TDRD6: variants seen among roughly 807,000 people sequenced by gnomAD.
TDRD6 encodes tudor domain containing 6.
In TDRD6, 186 loss-of-function variants were observed where a neutral mutation model predicts 157.5. The observed-to-expected ratio is 1.18, with a 90% CI of 1.05 to 1.33. TDRD6 has a LOEUF of 1.33. TDRD6 is among the 40% of genes most tolerant of loss of function. TDRD6 has a pLI of 0.00. For synonymous variants in TDRD6, 1,075 were observed against 945.2 expected (o/e 1.14, Z -2.52); for missense variants, 3,066 against 2,508.0 (o/e 1.22, Z -4.75).
At chr6:46,686,521 A>G (rs568262288), upstream of TDRD6, among the ~76,000 whole-genome samples, 9 of 151,954 alleles carry the variant, frequency 5.9e-5, no homozygotes, top group South Asian at 1.9e-3. Flanking sequence ...CAGGTTGAAT[A>G]GTAGGGTCAC....
At chr6:46,685,269 C>T (rs1764063805), upstream of TDRD6, among the ~76,000 whole-genome samples, 1 of 150,540 alleles carries the variant, frequency 6.6e-6, no homozygotes, top group African/African-American at 2.4e-5. Context: ...GTATTTCTTA[C>T]TTGAACTGTT....
In TDRD6 at chr6:46,689,522, C is replaced by T. The variant is rs200593696; in HGVS notation, c.1394C>T (p.Pro465Leu). ...CCAGAAACATCTCAGTCTCAGTCTC[C>T]TGCTGAAGAAGTAGATGAAGAGATT... ...EEPETSQSQS[P>L]AEEVDEEISL... Residue 465 changes from proline (P) to leucine (L), a missense_variant, in exon 1 of 4, where the codon CCT becomes CTT. Coordinates refer to ENST00000316081, the MANE Select transcript of TDRD6 (RefSeq NM_001010870.3). 14 of 1,614,070 alleles carry T rather than the reference C, an allele frequency of 8.7e-6. No individual in the cohort carries two copies. In the East Asian group the frequency reaches 2.5e-4, roughly 28 times the overall value.
upstream of TDRD6, among the ~76,000 whole-genome samples, chr6:46,686,566 G>A (rs1764100644): frequency 6.6e-6 from 1 of 151,356 alleles, no homozygotes; most frequent in South Asian, 2.1e-4. Flanking sequence ...CTTGCTAGAT[G>A]TTTTTAAATA....
upstream of TDRD6, among the ~76,000 whole-genome samples, chr6:46,686,432 T>G (rs1249564727): frequency 1.3e-5 from 2 of 149,496 alleles, no homozygotes; most frequent in Admixed American, 1.3e-4. Context: ...ATGTTCCTAC[T>G]GTGGCAAACA....
In TDRD6 at chr6:46,688,462, C is replaced by T; in HGVS notation, c.334C>T (p.Leu112=). 1 of 1,544,306 alleles carries T rather than the reference C, an allele frequency of 6.5e-7. No homozygotes were observed. The highest frequency in any genetic ancestry group is 8.7e-7 in the Non-Finnish European group (1 of 1,147,076). Residue 112 remains leucine, a synonymous_variant, in exon 1 of 4, where the codon CTG becomes TTG. Transcript: ENST00000316081. ...CACCATCACGGCCGGAGCAGGCTCG[C>T]TGGCGCCTGGGCGCAGAGAGTTCTT... The part of the protein sequence containing the change: ...GRTITAGAGS[L]APGRREFFNL...
At position 46,690,384 on chromosome 6, in the gene TDRD6, G is replaced by T. The variant is rs147855532; in HGVS notation, c.2256G>T (p.Met752Ile). 1 of 1,613,758 alleles carries T rather than the reference G, an allele frequency of 6.2e-7. No homozygotes were observed. The highest frequency in any genetic ancestry group is 1.7e-5 in the Admixed American group (1 of 59,994). ...GAGCATCTGTTTATTTTCCTCTTATGCAGAATTGCTTGGAAATTAAGCCAG... is the reference window on the plus strand; with the variant it reads ...GAGCATCTGTTTATTTTCCTCTTATTCAGAATTGCTTGGAAATTAAGCCAG... ...VKRASVYFPL[M>I]QNCLEIKPGS... The change falls in exon 1 of 4, where the codon ATG (methionine) becomes ATT (isoleucine). Residue 752 changes from methionine (M) to isoleucine (I), a missense_variant. Met to Ile is a conservative substitution (Grantham distance 10, BLOSUM62 1). Transcript: ENST00000316081.
rs1764333896 is a variant in TDRD6, at chr6:46,691,824, A to C, written c.3696A>C (p.Lys1232Asn). ...TCAAACTTTTACAAAGTTTAACAAAAACAAACTTAGTCACTCAATATCAAG... is the reference window on the plus strand; with the variant it reads ...TCAAACTTTTACAAAGTTTAACAAACACAAACTTAGTCACTCAATATCAAG... Reference protein sequence around the residue: ...KELKLLQSLTKTNLVTQYQDS... With the variant: ...KELKLLQSLTNTNLVTQYQDS... Residue 1232 changes from lysine to asparagine, a missense_variant, in exon 1 of 4, where the codon AAA becomes AAC. By Grantham distance (94) the Lys-to-Asn change is moderately conservative. Coordinates refer to ENST00000316081, the MANE Select transcript of TDRD6 (RefSeq NM_001010870.3). 6.2e-7 allele frequency: 1 copy of C among 1,603,958 alleles called. No homozygotes were observed. Among genetic ancestry groups the C allele is most frequent in the South Asian group, 1.1e-5 (1 of 89,130 alleles).
Position 46,693,519 on chromosome 6 carries a change from A to T in TDRD6, c.5391A>T (p.Leu1797Phe). 6.2e-7 allele frequency: 1 copy of T among 1,613,920 alleles called. No homozygotes were observed. Residue 1797 changes from leucine to phenylalanine, a missense_variant, in exon 1 of 4, where the codon TTA becomes TTT. By Grantham distance (22) the Leu-to-Phe change is conservative. Transcript: ENST00000316081. ...KIDTEELEGE[L>F]ECHLVDKAEF... is the part of the protein sequence containing the mutation. ...ATACTGAGGAACTGGAAGGTGAATT[A>T]GAGTGCCATCTGGTTGACAAAGCAG...
At position 46,690,258 on chromosome 6, in the gene TDRD6, CAA is replaced by C. The variant is rs1316560885; in HGVS notation, c.2131_2132del (p.Lys711GlufsTer4). 8.7e-6 allele frequency: 14 copies of C among 1,613,658 alleles called. No individual in the cohort carries two copies. The highest frequency in any genetic ancestry group is 1.6e-4 in the Middle Eastern group (1 of 6,084). On this transcript the variant is annotated frameshift_variant, in exon 1 of 4. Coordinates refer to ENST00000316081, the MANE Select transcript of TDRD6 (RefSeq NM_001010870.3). LOFTEE classifies it high-confidence loss of function. ...AGACTGGAGAAGGAGAGCAGAAAGC[CAA>C]GAGAGAGAATAAAACCACATCTGTT... is the stretch of plus-strand genomic sequence containing the variant. The part of the protein sequence containing the change: ...AKTGEGEQKA[K>X]RENKTTSVSK...
chr6:46,686,748 C>A (rs186195886), upstream of TDRD6, among the ~76,000 whole-genome samples: 40 of 152,314 alleles, frequency 2.6e-4, no homozygotes, highest in Admixed American at 5.9e-4. Context: ...TCACTCCAAG[C>A]TAGATTCCGA....
Position 46,689,966 on chromosome 6 carries a change from G to A in TDRD6, c.1838G>A (p.Ser613Asn), listed in dbSNP as rs904249532. 21 of 1,613,802 alleles carry A rather than the reference G, an allele frequency of 1.3e-5. No individual in the cohort carries two copies. The highest frequency in any genetic ancestry group is 1.7e-5 in the Non-Finnish European group (20 of 1,179,830). ...ATTTGGCCTTTGGGAAAAACTTGGA[G>A]CCAGGAGGCAGTTTCCTTTTTTAAA... ...ADIWPLGKTW[S>N]QEAVSFFKKT... Residue 613 changes from serine (S) to asparagine (N), a missense_variant, in exon 1 of 4, where the codon AGC becomes AAC. Coordinates refer to ENST00000316081, the MANE Select transcript of TDRD6 (RefSeq NM_001010870.3).
chr6:46,689,172 T>C lies in TDRD6; in HGVS notation c.1044T>C (p.Tyr348=). The C allele has an allele frequency of 1.2e-6, 2 of 1,614,158 alleles. No homozygotes were observed. The highest frequency in any genetic ancestry group is 4.5e-5 in the East Asian group (2 of 44,866). The part of the protein sequence containing the change: ...QRCAQVLHVD[Y]GRKELVSCSS... ...GTGCCCAGGTGCTTCATGTGGACTA[T>C]GGAAGGAAGGAGTTAGTGAGTTGCA... Residue 348 remains tyrosine, a synonymous_variant, in exon 1 of 4, where the codon TAT becomes TAC. Coordinates refer to ENST00000316081, the MANE Select transcript of TDRD6 (RefSeq NM_001010870.3).
upstream of TDRD6, among the ~76,000 whole-genome samples, chr6:46,686,988 C>T (rs1310985015): frequency 3.3e-5 from 5 of 152,128 alleles, no homozygotes; most frequent in African/African-American, 7.2e-5. Flanking sequence ...CATTTCGAAA[C>T]GTGGAATGAA....
At position 46,693,019 on chromosome 6, in the gene TDRD6, G is replaced by T. The variant is rs200854386; in HGVS notation, c.4891G>T (p.Ala1631Ser). ...TGAACTTCTGTCGGTTCCCATGCAAGCCTTTCCATGTTGCCTCTCAGGGTT... is the reference window on the plus strand; with the variant it reads ...TGAACTTCTGTCGGTTCCCATGCAATCCTTTCCATGTTGCCTCTCAGGGTT... The part of the protein sequence containing the change: ...PSELLSVPMQ[A>S]FPCCLSGFNI... The change falls in exon 1 of 4, where the codon GCC becomes TCC. Residue 1631 changes from alanine to serine, a missense_variant. By Grantham distance (99) the Ala-to-Ser change is moderately conservative. Coordinates refer to ENST00000316081, the MANE Select transcript of TDRD6 (RefSeq NM_001010870.3). 1.2e-6 allele frequency: 2 copies of T among 1,613,366 alleles called. No homozygotes were observed. The highest frequency in any genetic ancestry group is 1.7e-6 in the Non-Finnish European group (2 of 1,179,660).
In TDRD6 at chr6:46,694,150, A is replaced by G. The variant is rs1764431599; in HGVS notation, c.6022A>G (p.Asn2008Asp). The change falls in exon 1 of 4, where the codon AAT becomes GAT. Residue 2008 changes from asparagine to aspartate, a missense_variant. By Grantham distance (23) the Asn-to-Asp change is conservative. Transcript: ENST00000316081. ...EESSDGSKHN[N>D]GLPDHISAQL... Reference sequence around the variant, plus strand: ...AAGCAGTGATGGAAGCAAGCACAATAATGGTTTACCAGATCATATCTCAGG... The same window carrying G: ...AAGCAGTGATGGAAGCAAGCACAATGATGGTTTACCAGATCATATCTCAGG... The G allele has an allele frequency of 6.4e-7, 1 of 1,573,000 alleles. No individual in the cohort carries two copies. The highest frequency in any genetic ancestry group is 8.6e-7 in the Non-Finnish European group (1 of 1,163,102).
At chr6:46,682,514 G>A in the TDRD6 span, among the ~76,000 whole-genome samples, 1 of 151,636 alleles carries the variant, frequency 6.6e-6, no homozygotes, top group Admixed American at 6.6e-5. Context: ...GAAATAAAAG[G>A]CACATATATT....
chr6:46,696,503 A>AGTGTG (rs1562060369), intron 2 of TDRD6, among the ~76,000 whole-genome samples: 4 of 130,386 alleles, frequency 3.1e-5, no homozygotes, highest in African/African-American at 1.2e-4. Context: ...TGTATATGTA[A>AGTGTG]TATATATGTA....
Position 46,687,989 on chromosome 6 carries a change from C to T in TDRD6, c.-140C>T. Reference sequence around the variant, plus strand: ...CGACGGGGGAGTTGCCGAGAAAAGGCCTCGCCGGCATTCTTCCCCTCCACT... The same window carrying T: ...CGACGGGGGAGTTGCCGAGAAAAGGTCTCGCCGGCATTCTTCCCCTCCACT... On this transcript the variant is annotated 5_prime_UTR_variant, in exon 1 of 4. Transcript: ENST00000316081. The T allele has an allele frequency of 7.7e-7, 1 of 1,299,914 alleles. No homozygotes were observed. The highest frequency in any genetic ancestry group is 1.0e-6 in the Non-Finnish European group (1 of 1,003,990). 80.5% of individuals were successfully genotyped at this position (1,299,914 alleles called of 1,614,324 possible). A position where few individuals can be genotyped will look rare whatever the true frequency, so the allele number is the denominator to read the frequency against.
Position 46,688,709 on chromosome 6 carries a change from T to G in TDRD6, c.581T>G (p.Leu194Arg). ...GATGTGTTCCAACAGATGCGGGAGC[T>G]GGGCCTGGCTCGGCGGGTGCCCGAC... ...VPDVFQQMRE[L>R]GLARRVPDSL... Residue 194 changes from leucine to arginine, a missense_variant, in exon 1 of 4, where the codon CTG (leucine) becomes CGG (arginine). Leu to Arg is a moderately radical substitution (Grantham distance 102). Coordinates refer to ENST00000316081, the MANE Select transcript of TDRD6 (RefSeq NM_001010870.3). The G allele has an allele frequency of 6.2e-7, 1 of 1,601,118 alleles. No homozygotes were observed. The highest frequency in any genetic ancestry group is 8.5e-7 in the Non-Finnish European group (1 of 1,179,572).
Sources: gnomAD v4.1 joint callset for allele counts (sites outside exome capture counted in the v4.1 genomes callset) on GRCh38, gnomAD v4.1.1 for gene constraint, MANE v1.5 for transcripts, NCBI Gene and HGNC (gene_info 2026-07-23, HGNC 2026-07-21) for gene names.